Variants in KIF9 observed in about 807,000 individuals in gnomAD.
KIF9 encodes kinesin family member 9, also known as kinesin-like protein KIF9.
Under a neutral mutation model 94.8 loss-of-function variants are expected in KIF9, and 68 were observed. That is an observed-to-expected ratio of 0.72 (90% CI 0.59 to 0.88). The LOEUF is 0.88. Ranked by LOEUF, KIF9 falls within the 40% of genes least tolerant of loss-of-function variation. The pLI, the probability that KIF9 is intolerant of heterozygous loss-of-function variation, is 0.00. For missense variants in KIF9, 882 were observed against 982.5 expected (o/e 0.90, Z 1.37); for synonymous variants, 343 against 362.1 (o/e 0.95, Z 0.60).
Position 47,267,182 on chromosome 3 carries a change from C to G in KIF9, c.673G>C (p.Glu225Gln). ...CTGATCAAAGAGCTTGCACCTACCT[C>G]TAAGTAGATGGTGAAAATGCAGTGT... ...RSHCIFTIYL[E>Q]AHSRTLSEEK... Residue 225 changes from glutamate (E) to glutamine (Q), a missense_variant and splice_region_variant, in exon 6 of 21, where the codon GAG becomes CAG. Glu to Gln is a conservative substitution (Grantham distance 29). Coordinates refer to ENST00000684063, the MANE Select transcript of KIF9 (RefSeq NM_182902.4). 6.2e-7 allele frequency: 1 copy of G among 1,612,552 alleles called. No individual in the cohort carries two copies. Among genetic ancestry groups the G allele is most frequent in the Non-Finnish European group, 8.5e-7 (1 of 1,178,612 alleles).
chr3:47,239,161 T>C (rs757196862), intron 17 of KIF9, among the ~76,000 whole-genome samples: 9 of 152,056 alleles, frequency 5.9e-5, no homozygotes, highest in Non-Finnish European at 1.2e-4. Flanking sequence ...GATCATGCCA[T>C]TGCACTCCAG....
At chr3:47,259,259 G>A (rs555433186) in intron 9 of KIF9, among the ~76,000 whole-genome samples, 2 of 152,196 alleles carry the variant, frequency 1.3e-5, no homozygotes, top group African/African-American at 4.8e-5. Flanking sequence ...AGTCTCCACA[G>A]GTTTGGGCTG....
At chr3:47,279,986 G>A (rs747789728) in intron 1 of KIF9, among the ~76,000 whole-genome samples, 3 of 151,982 alleles carry the variant, frequency 2.0e-5, no homozygotes, top group Non-Finnish European at 2.9e-5. Flanking sequence ...ACAGAGTCTC[G>A]ATCTCTCTCT....
In KIF9 at chr3:47,267,253, T is replaced by C. The variant is rs1576056513; in HGVS notation, c.602A>G (p.Asn201Ser). 1 of 1,612,474 alleles carries C rather than the reference T, an allele frequency of 6.2e-7. No individual in the cohort carries two copies. Among genetic ancestry groups the C allele is most frequent in the African/African-American group, 1.3e-5 (1 of 75,012 alleles). Reference sequence around the variant, plus strand: ...CATAGTGTGGGAGGCTATAATCCTGTTGGTCTCACCCTGAAGAGGAAGGGA... The same window carrying C: ...CATAGTGTGGGAGGCTATAATCCTGCTGGTCTCACCCTGAAGAGGAAGGGA... ...AFSLLFEGET[N>S]RIIASHTMNK... Residue 201 changes from asparagine (N) to serine (S), a missense_variant, in exon 6 of 21, where the codon AAC becomes AGC. By Grantham distance (46) the Asn-to-Ser change is conservative. Transcript: ENST00000684063.
At chr3:47,273,679 G>A (rs373206717) in intron 3 of KIF9, 21 bp from the exon 4 acceptor site, 16 of 1,597,384 alleles carry the variant, frequency 1.0e-5, no homozygotes, top group Middle Eastern at 1.6e-4. Context: ...TTCAAAACAC[G>A]GTGACATCCA....
intron 18 of KIF9, 142 bp downstream of exon 18, chr3:47,236,301 G>T: frequency 9.4e-7 from 1 of 1,062,142 alleles, no homozygotes; most frequent in Non-Finnish European, 1.4e-6. Flanking sequence ...TCACAGTCCT[G>T]GGAACCACAC....
rs1305894282 is a variant in KIF9, at chr3:47,280,979, G to C, written c.-6+1516C>G. On this transcript the variant is annotated intron_variant, in intron 1 of 20. Coordinates refer to ENST00000684063, the MANE Select transcript of KIF9 (RefSeq NM_182902.4). ...AAATACTGCTTGTTACCATTCTTAC[G>C]TCGCTTCATTTGAGTGGGTTTCAGT... 16 of 702,878 alleles carry C rather than the reference G, an allele frequency of 2.3e-5. No homozygotes were observed. In the East Asian group the frequency reaches 4.0e-4, roughly 18 times the overall value. 43.5% of individuals were successfully genotyped at this position (702,878 alleles called of 1,614,324 possible). A position where few individuals can be genotyped will look rare whatever the true frequency, so the allele number is the denominator to read the frequency against.
In KIF9 at chr3:47,235,496, A is replaced by G. The variant is rs1362151205; in HGVS notation, c.2322+17T>C. On this transcript the variant is annotated intron_variant, in intron 20 of 20. Coordinates refer to ENST00000684063, the MANE Select transcript of KIF9 (RefSeq NM_182902.4). ...CTGAGGCCCCCATCCTCCTGGAGAC[A>G]TAGGCCTCTGAGTTACCTTCTGCTC... The G allele has an allele frequency of 1.9e-6, 3 of 1,562,558 alleles. No homozygotes were observed. The highest frequency in any genetic ancestry group is 2.2e-5 in the East Asian group (1 of 44,614).
At chr3:47,262,591 C>G (rs896950027) in intron 9 of KIF9, among the ~76,000 whole-genome samples, 1 of 152,100 alleles carries the variant, frequency 6.6e-6, no homozygotes, top group African/African-American at 2.4e-5. Flanking sequence ...GCATTTTATG[C>G]CATGAGACCA....
In KIF9 at chr3:47,247,377, A is replaced by T. The variant is rs201223058; in HGVS notation, c.1229T>A (p.Ile410Asn). The change falls in exon 12 of 21, where the codon ATC becomes AAC. Residue 410 changes from isoleucine (I) to asparagine (N), a missense_variant. Coordinates refer to ENST00000684063, the MANE Select transcript of KIF9 (RefSeq NM_182902.4). ...RRYLEGTLDE[I>N]DIISLRQIKE... Reference sequence around the variant, plus strand: ...GGTCACAGAGGGGTTCCTTACGTCGATCTCGTCCAGTGTCCCCTCCAGGTA... The same window carrying T: ...GGTCACAGAGGGGTTCCTTACGTCGTTCTCGTCCAGTGTCCCCTCCAGGTA... 84 of 1,611,272 alleles carry T rather than the reference A, an allele frequency of 5.2e-5. No homozygotes were observed. Among genetic ancestry groups the T allele is most frequent in the Non-Finnish European group, 1.0e-5 (12 of 1,177,688 alleles).
rs1452858631 is a variant in KIF9, at chr3:47,279,428, T to C, written c.-5-2049A>G. 2.1e-5 allele frequency among the ~76,000 whole-genome samples: 3 copies of C among 143,878 alleles called. No individual in the cohort carries two copies. In the East Asian group the frequency reaches 6.4e-4, roughly 31 times the overall value. The allele number at this position is 143,878 out of a possible 152,430, so 94.4% of individuals were successfully genotyped here. On this transcript the variant is annotated intron_variant, in intron 1 of 20. Transcript: ENST00000684063. ...GAGGGTGGAGGTTGCAGTGAGCCAA[T>C]GTCATGCCACTGCACTCCAGCCTGG...
At chr3:47,274,121 A>T (rs1456714941) in intron 3 of KIF9, among the ~76,000 whole-genome samples, 1 of 152,206 alleles carries the variant, frequency 6.6e-6, no homozygotes, top group Non-Finnish European at 1.5e-5. Flanking sequence ...CCAGGAAGAG[A>T]TGGAGTGGAA....
chr3:47,271,371 G>A lies in KIF9; in HGVS notation c.457C>T (p.Leu153=), dbSNP rs766162461. Residue 153 remains leucine (L), a synonymous_variant, in exon 5 of 21, where the codon CTG becomes TTG. Coordinates refer to ENST00000684063, the MANE Select transcript of KIF9 (RefSeq NM_182902.4). ...GGTCCAACATAGGGCAGAGTGGACA[G>A]GAGATCAAACAGGCTCTCATTATAG... ...EIYNESLFDL[L]STLPYVGPSV... is the part of the protein sequence containing the mutation. 1 of 1,613,984 alleles carries A rather than the reference G, an allele frequency of 6.2e-7. No individual in the cohort carries two copies. Among genetic ancestry groups the A allele is most frequent in the South Asian group, 1.1e-5 (1 of 91,076 alleles).
rs143598639 is a variant in KIF9, at chr3:47,277,335, T to A, written c.40A>T (p.Lys14Ter). 1.2e-6 allele frequency: 2 copies of A among 1,614,124 alleles called. No individual in the cohort carries two copies. The highest frequency in any genetic ancestry group is 1.7e-6 in the Non-Finnish European group (2 of 1,179,990). ...TCATGAGCAAAGTCATCGGTGGGTT[T>A]GACACGGACAAATGCATGAACTTTT... ...RKKVHAFVRV[K>*]PTDDFAHEMI... is the part of the protein sequence containing the mutation. The change falls in exon 2 of 21, where the codon AAA becomes TAA. Residue 14 changes from lysine (K) to a stop codon, truncating the protein, a stop_gained. Transcript: ENST00000684063. LOFTEE classifies it high-confidence loss of function.
At chr3:47,245,141 T>C (rs1057313714) in intron 14 of KIF9, 29 of 616,638 alleles carry the variant, frequency 4.7e-5, no homozygotes, top group Non-Finnish European at 6.8e-5. Flanking sequence ...CTCACCAGTA[T>C]GGCACCTCAT....
rs770131078 is a variant in KIF9 at position 47,267,186 on chromosome 3, G to A, written c.669C>T (p.Tyr223=). The change falls in exon 6 of 21, where the codon TAC becomes TAT. Residue 223 remains tyrosine (Y), a synonymous_variant. Transcript: ENST00000684063. ...SSRSHCIFTI[Y]LEAHSRTLSE... The stretch of plus-strand genomic sequence containing the variant: ...TCAAAGAGCTTGCACCTACCTCTAA[G>A]TAGATGGTGAAAATGCAGTGTGATC... 2.5e-6 allele frequency: 4 copies of A among 1,612,604 alleles called. No individual in the cohort carries two copies. The South Asian group carries it at 4.4e-5, about 18-fold the overall frequency.
At chr3:47,269,820 G>A (rs1701527045) in intron 5 of KIF9, among the ~76,000 whole-genome samples, 1 of 142,016 alleles carries the variant, frequency 7.0e-6, no homozygotes, top group Non-Finnish European at 1.5e-5. Context: ...TCTGTCGCCA[G>A]GCTGGAGTGC....
chr3:47,282,238 C>T (rs957640735), intron 1 of KIF9: 3 of 985,460 alleles, frequency 3.0e-6, no homozygotes, highest in Admixed American at 6.1e-5. Flanking sequence ...CTCCCTGCCT[C>T]ACGGCCTCTA....
intron 16 of KIF9, among the ~76,000 whole-genome samples, chr3:47,241,322 CTTT>C: frequency 6.9e-6 from 1 of 144,804 alleles, no homozygotes; most frequent in Middle Eastern, 3.7e-3. Context: ...GTATTTCTTT[CTTT>C]TTTTTTTTTT....
Sources: gnomAD v4.1 joint callset for allele counts (sites outside exome capture counted in the v4.1 genomes callset) on GRCh38, gnomAD v4.1.1 for gene constraint, MANE v1.5 for transcripts, NCBI Gene and HGNC (gene_info 2026-07-23, HGNC 2026-07-21) for gene names.